The following OTOP1 variants were observed in gnomAD, a reference collection of about 807,000 sequenced individuals.
OTOP1 encodes the protein proton channel OTOP1.
In OTOP1, 59 loss-of-function variants were observed where a neutral mutation model predicts 52.9. The ratio of observed to expected loss-of-function variants is 1.12; its 90% CI spans 0.91 to 1.39. The LOEUF is 1.39. OTOP1 is among the 40% of genes most tolerant of loss of function. OTOP1 has a pLI of 0.00. For missense variants in OTOP1, 761 were observed against 800.9 expected (o/e 0.95, Z 0.60); for synonymous variants, 317 against 337.7 (o/e 0.94, Z 0.67).
In OTOP1 at chr4:4,216,603, C is replaced by G. The variant is rs73793125; in HGVS notation, c.404-3599G>C. ...AAGCCTTATAGAAACAACTCTAACT[C>G]ACATTTATTTTTTAATCCTGGAAAC... is the stretch of plus-strand genomic sequence containing the variant. On this transcript the variant is annotated intron_variant, in intron 1 of 5. Coordinates refer to ENST00000296358, the MANE Select transcript of OTOP1 (RefSeq NM_177998.3). Among the ~76,000 whole-genome samples the G allele has an allele frequency of 1.0e-2, 1,519 of 152,346 alleles. 29 individuals are homozygous for G. Among genetic ancestry groups the G allele is most frequent in the African/African-American group, 0.035 (1,450 of 41,566 alleles).
intron 2 of OTOP1, among the ~76,000 whole-genome samples, chr4:4,206,695 G>A (rs749800258): frequency 2.0e-5 from 3 of 152,180 alleles, no homozygotes; most frequent in Admixed American, 6.5e-5. Flanking sequence ...TCAGACCTGT[G>A]AAAATCCTGA....
At chr4:4,200,631 G>A (rs1716762726) in intron 4 of OTOP1, among the ~76,000 whole-genome samples, 1 of 147,902 alleles carries the variant, frequency 6.8e-6, no homozygotes, top group Non-Finnish European at 1.5e-5. Flanking sequence ...ACAGCTCACT[G>A]CAGCCTTGAC....
Position 4,197,936 on chromosome 4 carries a change from G to A in OTOP1, c.898C>T (p.Gln300Ter). 7 of 1,614,120 alleles carry A rather than the reference G, an allele frequency of 4.3e-6. No homozygotes were observed. The highest frequency in any genetic ancestry group is 3.3e-5 in the Admixed American group (2 of 60,016). Reference protein sequence around the residue: ...KNIGRKVDSHQHQKMQFKSDG... With the variant: ...KNIGRKVDSH The stretch of plus-strand genomic sequence containing the variant: ...GACTTGAACTGCATCTTCTGGTGCT[G>A]ATGGCTGTCAACTTTGCGCCCGATG... The change falls in exon 5 of 6, where the codon CAG (glutamine) becomes TAG (stop). Residue 300 changes from glutamine to a stop codon, truncating the protein, a stop_gained. Transcript: ENST00000296358. LOFTEE classifies it high-confidence loss of function.
At chr4:4,189,110 G>C (rs1716448639) in intron 5 of OTOP1, 137 bp from the exon 6 acceptor site, 1 of 729,280 alleles carries the variant, frequency 1.4e-6, no homozygotes, top group Non-Finnish European at 2.2e-6. Context: ...ACAATAAGGA[G>C]ACCTCATGGC....
chr4:4,208,066 G>T (rs1157853817), intron 2 of OTOP1, among the ~76,000 whole-genome samples: 1 of 152,026 alleles, frequency 6.6e-6, no homozygotes, highest in South Asian at 2.1e-4. Flanking sequence ...ATAAAAAAAC[G>T]TCGGGCACAG....
intron 5 of OTOP1, among the ~76,000 whole-genome samples, chr4:4,195,791 T>C (rs1716610473): frequency 6.6e-6 from 1 of 152,180 alleles, no homozygotes; most frequent in Non-Finnish European, 1.5e-5. Context: ...CTCACTGAAG[T>C]CCTTCTGGAT....
At chr4:4,211,197 G>C (rs935788667) in intron 2 of OTOP1, among the ~76,000 whole-genome samples, 1 of 152,190 alleles carries the variant, frequency 6.6e-6, no homozygotes, top group African/African-American at 2.4e-5. Flanking sequence ...TAAGTCAGCT[G>C]GGGGTACAAG....
intron 3 of OTOP1, among the ~76,000 whole-genome samples, chr4:4,205,745 C>T (rs1454144718): frequency 1.3e-5 from 2 of 152,214 alleles, no homozygotes; most frequent in Admixed American, 1.3e-4. Context: ...CAACTGAGAA[C>T]TTATGACGGT....
At chr4:4,209,508 G>T (rs1716979009) in intron 2 of OTOP1, among the ~76,000 whole-genome samples, 1 of 152,146 alleles carries the variant, frequency 6.6e-6, no homozygotes, top group Admixed American at 6.5e-5. Flanking sequence ...ATTCACATCT[G>T]TCCCAGTCAT....
At chr4:4,206,227 G>C in intron 2 of OTOP1, 97 bp from the exon 3 acceptor site, 1 of 1,009,422 alleles carries the variant, frequency 9.9e-7, no homozygotes, top group African/African-American at 1.6e-5. Context: ...AAATGTATGA[G>C]AAAATGCTGG....
At chr4:4,192,863 C>T (rs891712991) in intron 5 of OTOP1, among the ~76,000 whole-genome samples, 3 of 152,024 alleles carry the variant, frequency 2.0e-5, no homozygotes, top group Admixed American at 6.5e-5. Flanking sequence ...ACTGAAAGAA[C>T]GGTGGTTGTC....
rs768916705 is a variant in OTOP1, at chr4:4,197,425, T to C, written c.1409A>G (p.Asn470Ser). 12 of 1,614,032 alleles carry C rather than the reference T, an allele frequency of 7.4e-6. No individual in the cohort carries two copies. Among genetic ancestry groups the C allele is most frequent in the Non-Finnish European group, 1.0e-5 (12 of 1,180,008 alleles). Residue 470 changes from asparagine to serine, a missense_variant, in exon 5 of 6, where the codon AAC (asparagine) becomes AGC (serine). By Grantham distance (46) the Asn-to-Ser change is conservative. This residue lies in a region of OTOP1 where 632 missense variants were observed against 619.5 expected (regional missense o/e 1.02). Coordinates refer to ENST00000296358, the MANE Select transcript of OTOP1 (RefSeq NM_177998.3). ...GCAGGAAGAAGCAAGGGGCATGGTG[T>C]TGCCATTGCAGACTGTGACCACCCG... ...TLRVVTVCNG[N>S]TMPLASSCPK...
intron 3 of OTOP1, among the ~76,000 whole-genome samples, chr4:4,204,852 A>G (rs1716864743): frequency 6.6e-6 from 1 of 151,572 alleles, no homozygotes; most frequent in East Asian, 1.9e-4. Context: ...GCTCACTGCA[A>G]CCTCTGCCTC....
At chr4:4,190,833 C>T (rs1409825218) in intron 5 of OTOP1, among the ~76,000 whole-genome samples, 3 of 152,102 alleles carry the variant, frequency 2.0e-5, no homozygotes, top group Non-Finnish European at 2.9e-5. Context: ...TCTCCTTTGC[C>T]ATTTCATCCT....
intron 1 of OTOP1, among the ~76,000 whole-genome samples, chr4:4,215,731 G>C (rs529780611): frequency 1.2e-4 from 19 of 152,166 alleles, no homozygotes; most frequent in East Asian, 1.9e-4. Context: ...CAGATATACA[G>C]GAATTCTCTG....
intron 3 of OTOP1, among the ~76,000 whole-genome samples, chr4:4,203,421 G>A (rs1435711991): frequency 6.6e-6 from 1 of 152,226 alleles, no homozygotes; most frequent in East Asian, 1.9e-4. Context: ...GTCATATATG[G>A]AGTAAGCAGC....
chr4:4,213,660 C>T lies in OTOP1; in HGVS notation c.404-656G>A, dbSNP rs545513598. Among the ~76,000 whole-genome samples, 5 of 152,174 alleles carry T rather than the reference C, an allele frequency of 3.3e-5. No individual in the cohort carries two copies. The South Asian group carries it at 1.0e-3, about 32-fold the overall frequency. ...TGTCAGAATTTCCTTCCTTTTTAAG[C>T]CGAATAATATTTTGTTGTATGTCTA... On this transcript the variant is annotated intron_variant, in intron 1 of 5. Coordinates refer to ENST00000296358, the MANE Select transcript of OTOP1 (RefSeq NM_177998.3).
Position 4,199,233 on chromosome 4 carries a change from TGAGAGAGAGA to T in OTOP1, c.731-1140_731-1131del, listed in dbSNP as rs71600542. 5.2e-3 allele frequency among the ~76,000 whole-genome samples: 507 copies of T among 97,432 alleles called. 9 individuals are homozygous for T. Among genetic ancestry groups the T allele is most frequent in the South Asian group, 7.4e-3 (19 of 2,554 alleles). 63.9% of individuals were successfully genotyped at this position (97,432 alleles called of 152,430 possible). On this transcript the variant is annotated intron_variant, in intron 4 of 5. Coordinates refer to ENST00000296358, the MANE Select transcript of OTOP1 (RefSeq NM_177998.3). ...ACTCAGGTAAAATTGTGTGTGTGTG[TGAGAGAGAGA>T]GAGAGAGAGAGAGAGAGAGAGAGAG...
rs552110652 is a variant in OTOP1 at position 4,203,570 on chromosome 4, C to G, written c.600-992G>C. On this transcript the variant is annotated intron_variant, in intron 3 of 5. Transcript: ENST00000296358. ...CTAAGTGGAAGGTCGACACTGGACT[C>G]TGGGTAGCAGGCGAGAGATCCATGG... 4.3e-4 allele frequency among the ~76,000 whole-genome samples: 66 copies of G among 152,192 alleles called. 1 individual carries two copies. Among genetic ancestry groups the G allele is most frequent in the African/African-American group, 1.6e-3 (65 of 41,436 alleles).
Sources: allele counts gnomAD v4.1 joint callset (sites outside exome capture counted in the v4.1 genomes callset), GRCh38; gene constraint gnomAD v4.1.1; regional missense constraint gnomAD v4.1.1; transcripts MANE v1.5; gene names NCBI Gene and HGNC (gene_info 2026-07-23, HGNC 2026-07-21).